Variants in BMAL2 observed in about 807,000 individuals in gnomAD.
BMAL2 encodes the protein basic helix-loop-helix ARNT-like protein 2.
At chr12:27,370,185 A>T in the BMAL2 span, 1 of 1,614,052 alleles carries the variant, frequency 6.2e-7, no homozygotes, top group Non-Finnish European at 8.5e-7. Flanking sequence ...CCCCTTACCT[A>T]TCTTCTTTCA....
chr12:27,406,261 C>T, the BMAL2 span, among the ~76,000 whole-genome samples: 100 of 152,116 alleles, frequency 6.6e-4, 2 homozygotes, highest in Admixed American at 2.1e-3. Flanking sequence ...AGATACTCCT[C>T]GAGAAGAGCA....
the BMAL2 span, among the ~76,000 whole-genome samples, chr12:27,403,126 C>T: frequency 6.6e-6 from 1 of 152,014 alleles, no homozygotes; most frequent in Non-Finnish European, 1.5e-5. Flanking sequence ...AGTTTTTCAC[C>T]ACAGGAATAT....
the BMAL2 span, chr12:27,380,361 T>C: frequency 6.2e-7 from 1 of 1,614,142 alleles, no homozygotes; most frequent in Non-Finnish European, 8.5e-7. Flanking sequence ...TGGACAAACT[T>C]ACAGTTTTAA....
chr12:27,409,916 C>G, the BMAL2 span, among the ~76,000 whole-genome samples: 1 of 152,064 alleles, frequency 6.6e-6, no homozygotes, highest in African/African-American at 2.4e-5. Flanking sequence ...CAAACAACCC[C>G]ATTAAAAAGT....
At chr12:27,392,504 T>TC in the BMAL2 span, among the ~76,000 whole-genome samples, 1 of 137,668 alleles carries the variant, frequency 7.3e-6, no homozygotes, top group African/African-American at 2.7e-5. Flanking sequence ...GAAAATAGTC[T>TC]CCAAGGGCAG....
chr12:27,349,098 G>A, the BMAL2 span, among the ~76,000 whole-genome samples: 1 of 152,168 alleles, frequency 6.6e-6, no homozygotes, highest in African/African-American at 2.4e-5. Context: ...AGAGTCATGG[G>A]GGAACCTGAG....
chr12:27,376,534 AGGCACCTGAT>A, the BMAL2 span: 1 of 620,260 alleles, frequency 1.6e-6, no homozygotes, highest in South Asian at 2.9e-5. Context: ...CAATGTTATC[AGGCACCTGAT>A]GTCTTGCTTT....
At chr12:27,383,161 T>A in the BMAL2 span, among the ~76,000 whole-genome samples, 1 of 152,194 alleles carries the variant, frequency 6.6e-6, no homozygotes, top group Non-Finnish European at 1.5e-5. Flanking sequence ...TTCCTCCCTT[T>A]ATAGCTATGT....
At chr12:27,386,879 C>A in the BMAL2 span, among the ~76,000 whole-genome samples, 2 of 152,138 alleles carry the variant, frequency 1.3e-5, no homozygotes, top group African/African-American at 4.8e-5. Flanking sequence ...GATCCACCTG[C>A]CTCGGCCTCC....
the BMAL2 span, among the ~76,000 whole-genome samples, chr12:27,377,271 C>G: frequency 6.6e-6 from 1 of 152,172 alleles, no homozygotes; most frequent in African/African-American, 2.4e-5. Flanking sequence ...ATAAATATGC[C>G]TTTCCTTAAT....
chr12:27,350,836 C>T, the BMAL2 span, among the ~76,000 whole-genome samples: 2 of 151,920 alleles, frequency 1.3e-5, no homozygotes, highest in African/African-American at 4.8e-5. Flanking sequence ...CCCACCACCA[C>T]GCCTGGCTAA....
At chr12:27,366,343 T>C in the BMAL2 span, among the ~76,000 whole-genome samples, 16 of 152,312 alleles carry the variant, frequency 1.1e-4, no homozygotes, top group East Asian at 1.5e-3. Context: ...ATTGTGCCAG[T>C]TAAATCTTCC....
chr12:27,392,406 A>C, the BMAL2 span, among the ~76,000 whole-genome samples: 1 of 152,184 alleles, frequency 6.6e-6, no homozygotes, highest in African/African-American at 2.4e-5. Flanking sequence ...ACTGCCCCAG[A>C]GTGCCTGTTC....
At chr12:27,382,807 T>A in the BMAL2 span, among the ~76,000 whole-genome samples, 174 of 152,340 alleles carry the variant, frequency 1.1e-3, no homozygotes, top group Non-Finnish European at 2.0e-3. Context: ...TTTTTTTCAC[T>A]ATACTCTACA....
At chr12:27,403,824 C>CTGTT in the BMAL2 span, among the ~76,000 whole-genome samples, 1 of 152,002 alleles carries the variant, frequency 6.6e-6, no homozygotes. Flanking sequence ...AAGAATTGTC[C>CTGTT]TGTTCCTTAA....
chr12:27,356,172 CAG>C, the BMAL2 span, among the ~76,000 whole-genome samples: 1 of 152,170 alleles, frequency 6.6e-6, no homozygotes, highest in Non-Finnish European at 1.5e-5. Flanking sequence ...CAGAAATAAA[CAG>C]AATGACTGGC....
the BMAL2 span, chr12:27,403,364 CT>C: frequency 9.4e-7 from 1 of 1,063,214 alleles, no homozygotes; most frequent in Non-Finnish European, 1.4e-6. Flanking sequence ...AAGGAGAGAA[CT>C]GTGAAATTAT....
chr12:27,410,429 G>C, the BMAL2 span, among the ~76,000 whole-genome samples: 6 of 152,274 alleles, frequency 3.9e-5, no homozygotes, highest in African/African-American at 1.4e-4. Context: ...AAAATGATGA[G>C]TTCATGTCCT....
At chr12:27,386,138 G>A in the BMAL2 span, among the ~76,000 whole-genome samples, 1 of 151,522 alleles carries the variant, frequency 6.6e-6, no homozygotes, top group Non-Finnish European at 1.5e-5. Flanking sequence ...ACACATTTTT[G>A]TCCATTTTTC....
Sources: gnomAD v4.1 joint callset for allele counts (sites outside exome capture counted in the v4.1 genomes callset) on GRCh38, gnomAD v4.1.1 for gene constraint, MANE v1.5 for transcripts, NCBI Gene and HGNC (gene_info 2026-07-23, HGNC 2026-07-21) for gene names.